Variants in NDUFAF6 observed in about 807,000 individuals in gnomAD.
NDUFAF6 encodes the protein NADH dehydrogenase (ubiquinone) complex I, assembly factor 6.
NDUFAF6 carries 45 observed loss-of-function variants against 40.8 expected under a neutral mutation model. The ratio of observed to expected loss-of-function variants is 1.10; its 90% CI spans 0.87 to 1.42. NDUFAF6 has a LOEUF of 1.42. Ranked by LOEUF, NDUFAF6 falls within the 40% of genes most tolerant of loss-of-function variation. The pLI is 0.00. For synonymous variants in NDUFAF6, 185 were observed against 155.9 expected (o/e 1.19, Z -1.39); for missense variants, 435 against 418.5 (o/e 1.04, Z -0.34).
At chr8:94,924,030 T>G (rs1381918936) in intron 1 of NDUFAF6, among the ~76,000 whole-genome samples, 1 of 151,322 alleles carries the variant, frequency 6.6e-6, no homozygotes, top group East Asian at 2.0e-4. Context: ...AGAAATCAAA[T>G]CAAGCAGTTC....
chr8:94,914,653 G>A (rs930715274), intron 1 of NDUFAF6, among the ~76,000 whole-genome samples: 7 of 152,126 alleles, frequency 4.6e-5, no homozygotes, highest in South Asian at 2.1e-4. Context: ...GGCTGGGCAC[G>A]GTGGCTCACG....
chr8:95,078,668 T>A (rs1386757618), downstream of NDUFAF6: 4 of 145,128 alleles, frequency 2.8e-5, no homozygotes, highest in African/African-American at 1.0e-4. Context: ...AAAAAATATA[T>A]ATATATATAT....
At chr8:94,979,037 G>T (rs1477724390) in intron 1 of NDUFAF6, among the ~76,000 whole-genome samples, 1 of 152,208 alleles carries the variant, frequency 6.6e-6, no homozygotes, top group East Asian at 1.9e-4. Flanking sequence ...TTTTGTGTCA[G>T]AAGGGTTGAG....
At chr8:94,922,379 C>T (rs1347547213) in intron 1 of NDUFAF6, among the ~76,000 whole-genome samples, 1 of 152,036 alleles carries the variant, frequency 6.6e-6, no homozygotes, top group Non-Finnish European at 1.5e-5. Flanking sequence ...GGGTTAGGGC[C>T]TAGCTGCTCA....
intron 1 of NDUFAF6, among the ~76,000 whole-genome samples, chr8:94,916,699 GCT>G (rs1181738749): frequency 7.2e-5 from 11 of 151,756 alleles, no homozygotes; most frequent in African/African-American, 2.7e-4. Flanking sequence ...CTAAATTCCA[GCT>G]ATTCGGGAGG....
intron 2 of NDUFAF6, among the ~76,000 whole-genome samples, chr8:94,985,072 A>G (rs960295519): frequency 4.6e-5 from 7 of 152,118 alleles, no homozygotes; most frequent in Admixed American, 3.9e-4. Context: ...GGGGATGGCC[A>G]TGTAATCCAA....
chr8:94,968,756 A>G (rs1171143821), intron 1 of NDUFAF6, among the ~76,000 whole-genome samples: 2 of 152,216 alleles, frequency 1.3e-5, no homozygotes, highest in Non-Finnish European at 1.5e-5. Flanking sequence ...CGAGAGTAAA[A>G]GCAGGTAAAC....
intron 1 of NDUFAF6, among the ~76,000 whole-genome samples, chr8:94,916,640 C>G (rs1319636101): frequency 6.6e-6 from 1 of 151,202 alleles, no homozygotes; most frequent in Non-Finnish European, 1.5e-5. Flanking sequence ...ATGGCAAAAC[C>G]CCTTCTCTAC....
chr8:94,958,607 T>C, intron 1 of NDUFAF6, among the ~76,000 whole-genome samples: 1 of 133,394 alleles, frequency 7.5e-6, no homozygotes, highest in East Asian at 2.4e-4. Flanking sequence ...TGATCTCAGC[T>C]CACTGCAGCC....
chr8:95,025,571 T>G (rs1828010278), intron 1 of NDUFAF6, among the ~76,000 whole-genome samples: 1 of 152,236 alleles, frequency 6.6e-6, no homozygotes, highest in Non-Finnish European at 1.5e-5. Flanking sequence ...CCTGGCATTA[T>G]GCAAAGCAGA....
intron 3 of NDUFAF6, 45 bp downstream of exon 3, chr8:95,035,621 C>A: frequency 6.4e-7 from 1 of 1,568,256 alleles, no homozygotes; most frequent in South Asian, 1.1e-5. Flanking sequence ...GAATATTATT[C>A]GAGTCTACTT....
At chr8:94,944,752 T>C (rs1341813120) in intron 1 of NDUFAF6, among the ~76,000 whole-genome samples, 1 of 152,222 alleles carries the variant, frequency 6.6e-6, no homozygotes, top group African/African-American at 2.4e-5. Context: ...GCAGCAGTTC[T>C]GGCTGTGGCT....
At chr8:94,923,163 A>G (rs1819621858) in intron 1 of NDUFAF6, among the ~76,000 whole-genome samples, 1 of 152,220 alleles carries the variant, frequency 6.6e-6, no homozygotes, top group Non-Finnish European at 1.5e-5. Flanking sequence ...GAGGGTGGCC[A>G]TGAAGAAAGG....
At chr8:95,001,101 G>A (rs1055864983) in intron 2 of NDUFAF6, among the ~76,000 whole-genome samples, 2 of 151,728 alleles carry the variant, frequency 1.3e-5, no homozygotes, top group Admixed American at 1.3e-4. Flanking sequence ...GACTCCAGGA[G>A]CACCACCATG....
chr8:95,058,164 T>A lies in NDUFAF6; in HGVS notation c.*227T>A. On this transcript the variant is annotated 3_prime_UTR_variant, in exon 9 of 9. Transcript: ENST00000396124. ...CACCCCTGGCCCAGACAGTGTCTGC[T>A]GTGCTGTCCCTGGAAGCTGGAGCTC... 1 of 1,430,372 alleles carries A rather than the reference T, an allele frequency of 7.0e-7. No individual in the cohort carries two copies. Among genetic ancestry groups the A allele is most frequent in the Non-Finnish European group, 9.1e-7 (1 of 1,102,114 alleles). The allele number at this position is 1,430,372 out of a possible 1,614,324, so 88.6% of individuals were successfully genotyped here.
intron 2 of NDUFAF6, among the ~76,000 whole-genome samples, chr8:95,091,743 G>C (rs556340095): frequency 6.6e-6 from 1 of 150,656 alleles, no homozygotes; most frequent in African/African-American, 2.4e-5. Context: ...GGGTTCAAGC[G>C]ATCCCCCCCA....
chr8:95,048,722 T>C (rs1831095114), intron 7 of NDUFAF6, among the ~76,000 whole-genome samples, 164 bp downstream of exon 7: 1 of 152,174 alleles, frequency 6.6e-6, no homozygotes, highest in South Asian at 2.1e-4. Context: ...TTTTTTCACT[T>C]AAAAAAGTCC....
chr8:94,965,668 T>C (rs1361692109), intron 1 of NDUFAF6, among the ~76,000 whole-genome samples: 1 of 152,194 alleles, frequency 6.6e-6, no homozygotes, highest in East Asian at 1.9e-4. Flanking sequence ...TTTAGTCAAT[T>C]GGCCATGACG....
intron 2 of NDUFAF6, among the ~76,000 whole-genome samples, chr8:95,086,301 T>C (rs1368538496): frequency 6.6e-6 from 1 of 151,982 alleles, no homozygotes; most frequent in Non-Finnish European, 1.5e-5. Context: ...CAGAAAACAG[T>C]GTTCCCCTCA....
Sources: allele counts gnomAD v4.1 joint callset (sites outside exome capture counted in the v4.1 genomes callset), GRCh38; gene constraint gnomAD v4.1.1; transcripts MANE v1.5; gene names NCBI Gene and HGNC (gene_info 2026-07-23, HGNC 2026-07-21).